The following SMPD4 variants were observed in gnomAD, a reference collection of about 807,000 sequenced individuals.
The protein encoded by SMPD4 is sphingomyelin phosphodiesterase 4.
In SMPD4, 58 loss-of-function variants were observed where a neutral mutation model predicts 97.8. The observed-to-expected ratio is 0.59, with a 90% CI of 0.48 to 0.74. The LOEUF (loss-of-function observed/expected upper bound fraction) is 0.74, where lower values mean the gene tolerates loss of function less well. SMPD4 is among the 30% of genes least tolerant of loss of function. SMPD4 has a pLI of 0.00. For missense variants in SMPD4, 853 were observed against 1,080.5 expected (o/e 0.79, Z 2.95); for synonymous variants, 388 against 450.0 (o/e 0.86, Z 1.74).
Position 130,178,867 on chromosome 2 carries a change from C to T in SMPD4, c.-45-2230G>A, listed in dbSNP as rs185251825. 3.3e-5 allele frequency among the ~76,000 whole-genome samples: 5 copies of T among 152,030 alleles called. No homozygotes were observed. In the East Asian group the frequency reaches 7.7e-4, roughly 24 times the overall value. ...TTCCAGAATCCTACCTCTCAGCTCA[C>T]CCAGGTCAGAAATGAAAAATGCTCA... On this transcript the variant is annotated intron_variant, in intron 1 of 19. Coordinates refer to ENST00000680298, the MANE Select transcript of SMPD4 (RefSeq NM_017951.5).
At chr2:130,160,027 T>C (rs1393153190) in intron 11 of SMPD4, among the ~76,000 whole-genome samples, 1 of 152,214 alleles carries the variant, frequency 6.6e-6, no homozygotes, top group African/African-American at 2.4e-5. Context: ...GCACCCCTCC[T>C]GGGCCATGTT....
At position 130,154,334 on chromosome 2, in the gene SMPD4, G is replaced by A. The variant is rs142382388; in HGVS notation, c.1602C>T (p.Ser534=). ...TGTACTTGCAGTCCTGGCCCTCCAG[G>A]CTGTAGACGTGGCTCTTCACCTTGA... The part of the protein sequence containing the change: ...ASFKVKSHVY[S]LEGQDCKYTP... Residue 534 remains serine (S), a synonymous_variant, in exon 16 of 20, where the codon AGC becomes AGT. Coordinates refer to ENST00000680298, the MANE Select transcript of SMPD4 (RefSeq NM_017951.5). 5 of 1,611,360 alleles carry A rather than the reference G, an allele frequency of 3.1e-6. No homozygotes were observed. The Admixed American group carries it at 8.3e-5, about 27-fold the overall frequency.
At chr2:130,158,561 G>A (rs954819964) in intron 11 of SMPD4, among the ~76,000 whole-genome samples, 1 of 152,174 alleles carries the variant, frequency 6.6e-6, no homozygotes, top group Non-Finnish European at 1.5e-5. Context: ...ATACAGGCGT[G>A]AGCCACTGTG....
chr2:130,161,116 G>C (rs1213638120), intron 11 of SMPD4, 70 bp downstream of exon 11: 1 of 1,486,008 alleles, frequency 6.7e-7, no homozygotes, highest in African/African-American at 1.4e-5. Context: ...GGCCGGCCCC[G>C]GCGGCCCCTT....
At chr2:130,181,395 C>T in intron 1 of SMPD4, 135 bp downstream of exon 1, 1 of 1,466,140 alleles carries the variant, frequency 6.8e-7, no homozygotes, top group South Asian at 1.4e-5. Flanking sequence ...ACTCCCCAGC[C>T]TGCCCTGCCT....
At chr2:130,173,017 C>T (rs1688624886) in intron 5 of SMPD4, 122 bp from the exon 6 acceptor site, 1 of 1,372,556 alleles carries the variant, frequency 7.3e-7, no homozygotes, top group African/African-American at 1.5e-5. Context: ...CACACAGAAC[C>T]CACCTGTGGG....
chr2:130,175,706 G>A (rs1688926468), intron 2 of SMPD4, among the ~76,000 whole-genome samples: 1 of 152,218 alleles, frequency 6.6e-6, no homozygotes, highest in Non-Finnish European at 1.5e-5. Flanking sequence ...GCATCTGTGC[G>A]AATGGATTAA....
At position 130,172,400 on chromosome 2, in the gene SMPD4, G is replaced by T. The variant is rs756844566; in HGVS notation, c.608C>A (p.Pro203His). The T allele has an allele frequency of 5.0e-6, 8 of 1,611,272 alleles. No individual in the cohort carries two copies. The highest frequency in any genetic ancestry group is 6.8e-6 in the Non-Finnish European group (8 of 1,178,948). The change falls in exon 8 of 20, where the codon CCC (proline) becomes CAC (histidine). Residue 203 changes from proline (P) to histidine (H), a missense_variant. By Grantham distance (77) the Pro-to-His change is moderately conservative. Around this residue, in one of 3 missense-constraint regions of SMPD4, gnomAD observed 313 missense variants for 402.2 expected, o/e 0.78. Coordinates refer to ENST00000680298, the MANE Select transcript of SMPD4 (RefSeq NM_017951.5). ...SWFLPTEGSV[P>H]PPLSSSPGGT... Reference sequence around the variant, plus strand: ...CCCTGGGCTGGAGGAGAGTGGTGGGGGCACACTGCCTTCGGTGGGCAGGAA... The same window carrying T: ...CCCTGGGCTGGAGGAGAGTGGTGGGTGCACACTGCCTTCGGTGGGCAGGAA...
chr2:130,167,631 G>C, intron 8 of SMPD4, 41 bp from the exon 9 acceptor site: 1 of 1,552,268 alleles, frequency 6.4e-7, no homozygotes, highest in South Asian at 1.2e-5. Flanking sequence ...ACAGGCTCCC[G>C]CTGTAACTCG....
chr2:130,156,181 T>C (rs755523758), intron 13 of SMPD4, 46 bp from the exon 14 acceptor site: 1 of 1,539,746 alleles, frequency 6.5e-7, no homozygotes, highest in Non-Finnish European at 8.9e-7. Context: ...GGGGGCCAAA[T>C]ACTCGGTGGC....
chr2:130,172,055 C>T (rs2104896397), intron 8 of SMPD4, among the ~76,000 whole-genome samples: 1 of 152,346 alleles, frequency 6.6e-6, no homozygotes. Context: ...GACTCAGACA[C>T]CGCCTGTGGG....
intron 2 of SMPD4, among the ~76,000 whole-genome samples, chr2:130,176,332 A>C (rs1202512913): frequency 6.6e-6 from 1 of 152,228 alleles, no homozygotes; most frequent in Non-Finnish European, 1.5e-5. Flanking sequence ...TAGAATTTGA[A>C]TGAACTTGTG....
intron 16 of SMPD4, 31 bp downstream of exon 16, chr2:130,154,246 C>T (rs1312314239): frequency 1.3e-6 from 2 of 1,554,598 alleles, no homozygotes; most frequent in Non-Finnish European, 1.7e-6. Context: ...GCTCCAGGGG[C>T]CCTGAGGACA....
chr2:130,172,853 T>C lies in SMPD4; in HGVS notation c.388A>G (p.Ser130Gly). 1.9e-6 allele frequency: 3 copies of C among 1,614,018 alleles called. No homozygotes were observed. The highest frequency in any genetic ancestry group is 2.5e-6 in the Non-Finnish European group (3 of 1,179,944). The change falls in exon 6 of 20, where the codon AGT becomes GGT. Residue 130 changes from serine to glycine, a missense_variant. Ser to Gly is a moderately conservative substitution (Grantham distance 56). Coordinates refer to ENST00000680298, the MANE Select transcript of SMPD4 (RefSeq NM_017951.5). Reference protein sequence around the residue: ...ASIQECILPDSPLYHNKVQFT... With the variant: ...ASIQECILPDGPLYHNKVQFT... ...TGGACCTTGTTGTGGTACAGAGGACTGTCAGGGAGGATGCACTCCTGGATG... is the reference window on the plus strand; with the variant it reads ...TGGACCTTGTTGTGGTACAGAGGACCGTCAGGGAGGATGCACTCCTGGATG...
At chr2:130,167,615 C>G (rs373427659) in intron 8 of SMPD4, 25 bp from the exon 9 acceptor site, 3 of 1,574,458 alleles carry the variant, frequency 1.9e-6, no homozygotes, top group East Asian at 2.3e-5. Flanking sequence ...GAAACAGGCC[C>G]GAGTTACAGG....
At chr2:130,176,466 G>A in intron 2 of SMPD4, 88 bp downstream of exon 2, 2 of 1,103,564 alleles carry the variant, frequency 1.8e-6, no homozygotes, top group Non-Finnish European at 2.6e-6. Flanking sequence ...CCACTACAGA[G>A]TTCTTCAAGT....
At chr2:130,169,141 C>A (rs923765902) in intron 8 of SMPD4, among the ~76,000 whole-genome samples, 2 of 152,200 alleles carry the variant, frequency 1.3e-5, no homozygotes, top group Non-Finnish European at 2.9e-5. Flanking sequence ...CTACGGTGCT[C>A]CTCCCAACAA....
intron 1 of SMPD4, among the ~76,000 whole-genome samples, chr2:130,180,071 C>T (rs1689389180): frequency 6.6e-6 from 1 of 150,766 alleles, no homozygotes; most frequent in South Asian, 2.1e-4. Flanking sequence ...TCACGCCATT[C>T]TCCTGCCTCA....
Position 130,152,696 on chromosome 2 carries a change from G to C in SMPD4, c.2343C>G (p.Val781=). ...LRFLGSYRTL[V]SLLLAFFVAS... is the part of the protein sequence containing the mutation. ...CCACGAAGAAGGCCAGCAGCAGCGA[G>C]ACCAGCGTCCGGTAACTGCCCAGGA... Residue 781 remains valine, a synonymous_variant, in exon 20 of 20, where the codon GTC becomes GTG. Transcript: ENST00000680298. 1 of 1,575,464 alleles carries C rather than the reference G, an allele frequency of 6.3e-7. No homozygotes were observed. The highest frequency in any genetic ancestry group is 8.6e-7 in the Non-Finnish European group (1 of 1,161,826).
Sources: allele counts gnomAD v4.1 joint callset (sites outside exome capture counted in the v4.1 genomes callset), GRCh38; gene constraint gnomAD v4.1.1; regional missense constraint gnomAD v4.1.1; transcripts MANE v1.5; gene names NCBI Gene and HGNC (gene_info 2026-07-23, HGNC 2026-07-21).